The following RGPD1 variants were observed in gnomAD, a reference collection of about 807,000 sequenced individuals.
The protein encoded by RGPD1 is RANBP2 like and GRIP domain containing 1, also known as RANBP2-like and GRIP domain-containing protein 1.
RGPD1 carries 7 observed loss-of-function variants against 40.6 expected under a neutral mutation model. The ratio of observed to expected loss-of-function variants is 0.17; its 90% CI spans 0.10 to 0.32. The LOEUF is 0.32. RGPD1 is among the 10% of genes least tolerant of loss of function. RGPD1 has a pLI of 1.00. For missense variants in RGPD1, 50 were observed against 472.5 expected (o/e 0.11, Z 8.29); for synonymous variants, 24 against 167.0 (o/e 0.14, Z 6.60).
chr2:86,943,777 G>A (rs541184914), intron 1 of RGPD1, among the ~76,000 whole-genome samples: 10 of 152,312 alleles, frequency 6.6e-5, no homozygotes, highest in Admixed American at 6.5e-4. Context: ...TTGGGAGGCC[G>A]AGGAGGGCGG....
chr2:86,947,722 C>T (rs1171484757), intron 1 of RGPD1, among the ~76,000 whole-genome samples: 2 of 140,122 alleles, frequency 1.4e-5, no homozygotes, highest in Non-Finnish European at 3.1e-5. Flanking sequence ...CCTTATGTTC[C>T]AGGGGAAGAA....
At chr2:86,988,479 A>C in intron 20 of RGPD1, among the ~76,000 whole-genome samples, 1 of 87,700 alleles carries the variant, frequency 1.1e-5, no homozygotes, top group African/African-American at 4.0e-5. Context: ...AAAAAAAACC[A>C]TGATATTGAG....
intron 1 of RGPD1, among the ~76,000 whole-genome samples, chr2:86,942,996 G>A (rs1680012879): frequency 6.6e-6 from 1 of 151,872 alleles, no homozygotes; most frequent in Non-Finnish European, 1.5e-5. Context: ...TGGGCACCCG[G>A]GTGCTGTATC....
Position 86,914,012 on chromosome 2 carries a change from CTGG to C in RGPD1, c.72+92_72+94del, listed in dbSNP as rs1327637120. The stretch of plus-strand genomic sequence containing the variant: ...CGGCGGCGGCGGCCTCGGCCTCGGC[CTGG>C]CCGGGCGGCGGCGGCGGCGGCGGCG... On this transcript the variant is annotated intron_variant, in intron 1 of 22. Coordinates refer to the RGPD1 transcript ENST00000398193. 5.8e-5 allele frequency: 36 copies of C among 621,604 alleles called. 8 individuals carry two copies. In the South Asian group the frequency reaches 1.1e-3, roughly 18 times the overall value. 38.5% of individuals were successfully genotyped at this position (621,604 alleles called of 1,614,324 possible).
chr2:86,939,608 AAAG>A (rs1396225580), upstream of RGPD1, among the ~76,000 whole-genome samples: 6 of 138,566 alleles, frequency 4.3e-5, no homozygotes, highest in East Asian at 2.0e-4. Flanking sequence ...GAAAGAAAGA[AAAG>A]AAGGTTCTCT....
intron 1 of RGPD1, among the ~76,000 whole-genome samples, chr2:86,932,026 A>G (rs1234296914): frequency 6.7e-6 from 1 of 148,250 alleles, no homozygotes; most frequent in East Asian, 1.9e-4. Flanking sequence ...AGAGAAGATA[A>G]TAATATATTC....
chr2:86,940,285 AAATT>A (rs1679640411), upstream of RGPD1, among the ~76,000 whole-genome samples: 1 of 88,178 alleles, frequency 1.1e-5, no homozygotes, highest in Non-Finnish European at 2.0e-5. Flanking sequence ...TTTTATTTTT[AAATT>A]AATTAAATAT....
intron 1 of RGPD1, 85 bp downstream of exon 1, chr2:86,942,393 G>GGGCGGCGGCCTCGACCTGGCCA (rs1679886621): frequency 7.5e-7 from 1 of 1,336,960 alleles, no homozygotes; most frequent in Non-Finnish European, 9.7e-7. Context: ...CGACCTGGCC[G>GGGCGGCGGCCTCGACCTGGCCA]GGCGGCGGCC....
chr2:86,931,482 G>A (rs1166298186), intron 1 of RGPD1, among the ~76,000 whole-genome samples: 4 of 151,436 alleles, frequency 2.6e-5, no homozygotes, highest in Non-Finnish European at 5.9e-5. Flanking sequence ...GTATTTGACT[G>A]CTGCTGATGT....
intron 1 of RGPD1, among the ~76,000 whole-genome samples, chr2:86,943,192 G>T (rs1249332840): frequency 6.6e-6 from 1 of 151,030 alleles, no homozygotes; most frequent in East Asian, 2.0e-4. Context: ...AAATGACAGG[G>T]GAAGTCCCCT....
At chr2:86,939,765 T>C (rs1191000507), upstream of RGPD1, among the ~76,000 whole-genome samples, 26 of 106,598 alleles carry the variant, frequency 2.4e-4, 1 homozygote, top group Non-Finnish European at 4.6e-4. Flanking sequence ...GACAGGGTCT[T>C]TCTCTGTCAC....
chr2:86,923,328 C>G (rs1363141125), intron 1 of RGPD1, among the ~76,000 whole-genome samples: 2 of 151,752 alleles, frequency 1.3e-5, no homozygotes, highest in South Asian at 2.1e-4. Context: ...GCATGAGCCA[C>G]TGCACCTGGC....
rs1450982198 is a variant in RGPD1, at chr2:86,942,298, C to T, written c.62C>T (p.Ser21Leu). Residue 21 changes from serine to leucine, a missense_variant, in exon 1 of 23, where the codon TCG (serine) becomes TTG (leucine). Physicochemically the swap from Ser to Leu is moderately radical, Grantham distance 145. Coordinates refer to ENST00000641458, the MANE Select transcript of RGPD1 (RefSeq NM_001382344.1). ...YVASVQGSAP[S>L]PGKKLRGFYF... is the part of the protein sequence containing the mutation. ...GCCTCGGTGCAGGGCTCCGCCCCGT[C>T]GCCTGGAAAGGTGAGTGGATCTCGA... is the stretch of plus-strand genomic sequence containing the variant. 5 of 1,598,330 alleles carry T rather than the reference C, an allele frequency of 3.1e-6. No individual in the cohort carries two copies. The highest frequency in any genetic ancestry group is 1.7e-5 in the Admixed American group (1 of 58,680).
At chr2:86,954,991 C>CT (rs569605077) in intron 4 of RGPD1, among the ~76,000 whole-genome samples, 2 of 43,320 alleles carry the variant, frequency 4.6e-5, no homozygotes, top group African/African-American at 7.1e-5. Context: ...AAATGTGTGA[C>CT]TTTTTTTTTT....
At chr2:86,924,373 C>G (rs1195535697) in intron 1 of RGPD1, among the ~76,000 whole-genome samples, 2 of 150,522 alleles carry the variant, frequency 1.3e-5, no homozygotes, top group African/African-American at 4.9e-5. Context: ...CCAGCCTGGT[C>G]TCAAACTCCT....
intron 1 of RGPD1, among the ~76,000 whole-genome samples, chr2:86,924,289 A>G (rs1678289856): frequency 6.6e-6 from 1 of 151,772 alleles, no homozygotes; most frequent in South Asian, 2.1e-4. Flanking sequence ...CCCAGTAGCT[A>G]GAATTACAGG....
At chr2:86,956,051 G>A (rs1039601249) in intron 4 of RGPD1, among the ~76,000 whole-genome samples, 11 of 148,082 alleles carry the variant, frequency 7.4e-5, no homozygotes, top group Admixed American at 4.0e-4. Context: ...AAATCCATGA[G>A]ATTTATAATT....
At chr2:86,920,145 T>G (rs199535748) in intron 1 of RGPD1, among the ~76,000 whole-genome samples, 2 of 151,910 alleles carry the variant, frequency 1.3e-5, no homozygotes, top group Non-Finnish European at 2.9e-5. Context: ...TCCTGGCTCA[T>G]TACAACCTCT....
intron 1 of RGPD1, among the ~76,000 whole-genome samples, chr2:86,914,131 GGGCGGCGGC>G (rs1168224704): frequency 6.6e-4 from 18 of 27,380 alleles, no homozygotes; most frequent in African/African-American, 3.4e-3. Flanking sequence ...CGGCCTGGCC[GGGCGGCGGC>G]GGCGGCGGCG....
Sources: gnomAD v4.1 joint callset for allele counts (sites outside exome capture counted in the v4.1 genomes callset) on GRCh38, gnomAD v4.1.1 for gene constraint, MANE v1.5 for transcripts, NCBI Gene and HGNC (gene_info 2026-07-23, HGNC 2026-07-21) for gene names.